The following SRBD1 variants were observed in gnomAD, a reference collection of about 807,000 sequenced individuals.
SRBD1 encodes the protein S1 RNA binding domain 1, also known as S1 RNA-binding domain-containing protein 1.
Under a neutral mutation model 115.3 loss-of-function variants are expected in SRBD1, and 88 were observed. That is an observed-to-expected ratio of 0.76 (90% CI 0.64 to 0.91). SRBD1 has a LOEUF of 0.91. Ranked by LOEUF, SRBD1 falls within the 40% of genes least tolerant of loss-of-function variation. The pLI is 0.00. For missense variants in SRBD1, 1,385 were observed against 1,177.4 expected (o/e 1.18, Z -2.58); for synonymous variants, 509 against 407.7 (o/e 1.25, Z -2.99).
intron 9 of SRBD1, among the ~76,000 whole-genome samples, chr2:45,565,512 A>G (rs1672798534): frequency 6.6e-6 from 1 of 152,220 alleles, no homozygotes; most frequent in Non-Finnish European, 1.5e-5. Context: ...TACAAGAACT[A>G]AAACTATAAA....
intron 20 of SRBD1, among the ~76,000 whole-genome samples, chr2:45,391,049 T>A (rs1666983575): frequency 6.6e-6 from 1 of 152,176 alleles, no homozygotes; most frequent in Non-Finnish European, 1.5e-5. Flanking sequence ...TAGGCATTGT[T>A]TTTATGCTTG....
intron 16 of SRBD1, among the ~76,000 whole-genome samples, chr2:45,464,646 C>A (rs529839808): frequency 6.6e-6 from 1 of 152,248 alleles, no homozygotes; most frequent in Admixed American, 6.5e-5. Flanking sequence ...GTTAACGAGG[C>A]CTTCACAAGG....
intron 1 of SRBD1, among the ~76,000 whole-genome samples, chr2:45,608,848 C>T (rs948239763): frequency 6.6e-6 from 1 of 150,376 alleles, no homozygotes; most frequent in Non-Finnish European, 1.5e-5. Flanking sequence ...GAGACGGTCT[C>T]ACTCTGTCAC....
chr2:45,592,456 C>T (rs1262924080), intron 4 of SRBD1, among the ~76,000 whole-genome samples: 6 of 152,168 alleles, frequency 3.9e-5, no homozygotes, highest in Non-Finnish European at 8.8e-5. Flanking sequence ...AAACACCACA[C>T]TTGACCTCAG....
At chr2:45,444,668 A>T (rs1052739460) in intron 16 of SRBD1, among the ~76,000 whole-genome samples, 25 of 152,214 alleles carry the variant, frequency 1.6e-4, no homozygotes, top group Admixed American at 1.2e-3. Flanking sequence ...ATAATCACAT[A>T]CATATGTTAG....
chr2:45,591,418 G>A (rs1378978442), intron 4 of SRBD1, among the ~76,000 whole-genome samples: 1 of 152,190 alleles, frequency 6.6e-6, no homozygotes, highest in Non-Finnish European at 1.5e-5. Flanking sequence ...CAGGGAGACT[G>A]ATTTGAGTAA....
At chr2:45,457,128 T>C (rs955441010) in intron 16 of SRBD1, among the ~76,000 whole-genome samples, 11 of 151,930 alleles carry the variant, frequency 7.2e-5, no homozygotes, top group Admixed American at 4.6e-4. Flanking sequence ...AGAAACAAAA[T>C]ATAAAACTGT....
At chr2:45,406,144 C>A (rs1196051055) in intron 19 of SRBD1, among the ~76,000 whole-genome samples, 1 of 152,088 alleles carries the variant, frequency 6.6e-6, no homozygotes, top group Non-Finnish European at 1.5e-5. Context: ...AATTAAGACA[C>A]AGAGATCAAT....
chr2:45,471,813 G>A (rs558495094), intron 16 of SRBD1, among the ~76,000 whole-genome samples: 8 of 151,898 alleles, frequency 5.3e-5, no homozygotes, highest in Non-Finnish European at 1.0e-4. Context: ...TTATGTAAAT[G>A]TTTTATATAA....
At position 45,431,753 on chromosome 2, in the gene SRBD1, G is replaced by T. The variant is rs543117353; in HGVS notation, c.2050-11859C>A. Among the ~76,000 whole-genome samples the T allele has an allele frequency of 2.0e-5, 3 of 152,012 alleles. No individual in the cohort carries two copies. The East Asian group carries it at 5.8e-4, about 29-fold the overall frequency. Reference sequence around the variant, plus strand: ...TATCAAACCTGCATGTGCTGTACATGTATCCCAGAACTTAAAGTATAATAG... The same window carrying T: ...TATCAAACCTGCATGTGCTGTACATTTATCCCAGAACTTAAAGTATAATAG... On this transcript the variant is annotated intron_variant, in intron 16 of 20. Coordinates refer to ENST00000263736, the MANE Select transcript of SRBD1 (RefSeq NM_018079.5).
intron 9 of SRBD1, among the ~76,000 whole-genome samples, chr2:45,572,583 A>C (rs1303419758): frequency 6.6e-6 from 1 of 152,116 alleles, no homozygotes; most frequent in Admixed American, 6.6e-5. Flanking sequence ...CTGGAATGAA[A>C]GGGCACTAGA....
intron 14 of SRBD1, among the ~76,000 whole-genome samples, chr2:45,537,755 G>A (rs1229928955): frequency 6.6e-6 from 1 of 152,168 alleles, no homozygotes; most frequent in Non-Finnish European, 1.5e-5. Context: ...ATGCCAAGTG[G>A]AAGGCGCTTT....
intron 8 of SRBD1, 65 bp downstream of exon 8, chr2:45,574,562 C>A (rs1197858223): frequency 2.7e-6 from 4 of 1,464,372 alleles, no homozygotes; most frequent in Non-Finnish European, 3.7e-6. Flanking sequence ...GGTATTAGCA[C>A]TAACCGTGTG....
At chr2:45,488,558 TTCAA>T (rs1206812059) in intron 14 of SRBD1, among the ~76,000 whole-genome samples, 20 of 152,198 alleles carry the variant, frequency 1.3e-4, no homozygotes, top group African/African-American at 4.6e-4. Flanking sequence ...CCATAATGAA[TTCAA>T]TCAGAGAAAT....
intron 9 of SRBD1, among the ~76,000 whole-genome samples, chr2:45,572,631 GATAA>G (rs1673054571): frequency 1.3e-5 from 2 of 151,924 alleles, no homozygotes; most frequent in African/African-American, 4.8e-5. Context: ...AAAGAACACT[GATAA>G]ATGTCATGAT....
intron 14 of SRBD1, among the ~76,000 whole-genome samples, chr2:45,498,842 T>C (rs1249030683): frequency 1.3e-5 from 2 of 152,186 alleles, no homozygotes; most frequent in Non-Finnish European, 2.9e-5. Flanking sequence ...TTTTTTATGG[T>C]TGAATAATAT....
At chr2:45,396,513 G>C (rs1667149478) in intron 19 of SRBD1, among the ~76,000 whole-genome samples, 1 of 152,100 alleles carries the variant, frequency 6.6e-6, no homozygotes, top group African/African-American at 2.4e-5. Context: ...CTTACTTAAA[G>C]TAAGAAAGTA....
intron 15 of SRBD1, among the ~76,000 whole-genome samples, chr2:45,481,351 T>C (rs1035494248): frequency 6.6e-6 from 1 of 152,068 alleles, no homozygotes; most frequent in African/African-American, 2.4e-5. Context: ...TTGAGAATGA[T>C]CAGGCTGACA....
chr2:45,511,763 G>A (rs759775542), intron 14 of SRBD1, among the ~76,000 whole-genome samples: 4 of 152,148 alleles, frequency 2.6e-5, no homozygotes, highest in Admixed American at 6.5e-5. Context: ...CAGTGCTGAC[G>A]CTTTTTAAAG....
Sources: allele counts gnomAD v4.1 joint callset (sites outside exome capture counted in the v4.1 genomes callset), GRCh38; gene constraint gnomAD v4.1.1; transcripts MANE v1.5; gene names NCBI Gene and HGNC (gene_info 2026-07-23, HGNC 2026-07-21).